Variants in FRY observed in about 807,000 individuals in gnomAD.
FRY encodes protein furry homolog.
A neutral mutation model predicts 348.4 loss-of-function variants in FRY; 128 were observed. The observed-to-expected ratio is 0.37, with a 90% CI of 0.32 to 0.43. The LOEUF (loss-of-function observed/expected upper bound fraction) is 0.43. Among genes scored for constraint, FRY ranks in the 20% least tolerant of loss-of-function variants. The pLI, the probability that FRY is intolerant of heterozygous loss-of-function variation, is 1.00. For missense variants in FRY, 2,736 were observed against 3,695.2 expected (o/e 0.74, Z 6.73); for synonymous variants, 1,370 against 1,374.7 (o/e 1.00, Z 0.08).
intron 1 of FRY, among the ~76,000 whole-genome samples, chr13:32,051,590 A>G (rs1015749920): frequency 2.6e-5 from 4 of 152,218 alleles, no homozygotes; most frequent in African/African-American, 9.7e-5. Flanking sequence ...CTCTATGTCA[A>G]AATAGTGGTT....
intron 46 of FRY, among the ~76,000 whole-genome samples, chr13:32,241,156 G>T (rs1278634028): frequency 1.3e-5 from 2 of 152,220 alleles, no homozygotes; most frequent in Non-Finnish European, 2.9e-5. Context: ...CAGCACAGAA[G>T]TAGTACTGAG....
At chr13:32,046,820 C>T (rs918783543) in intron 1 of FRY, among the ~76,000 whole-genome samples, 36 of 152,054 alleles carry the variant, frequency 2.4e-4, no homozygotes, top group Non-Finnish European at 1.6e-4. Context: ...TTTTTGACCA[C>T]GAGATTCATT....
At chr13:32,278,375 T>C (rs1888642437) in intron 57 of FRY, 90 bp from the exon 58 acceptor site, 1 of 787,026 alleles carries the variant, frequency 1.3e-6, no homozygotes, top group African/African-American at 1.7e-5. Context: ...TTATTAGAAC[T>C]TTAATGAATT....
chr13:32,180,573 G>A (rs2520689), intron 23 of FRY, among the ~76,000 whole-genome samples: 62,015 of 152,034 alleles, frequency 0.41, 12,875 homozygotes, highest in Admixed American at 0.43. Flanking sequence ...TTGCCTTAAT[G>A]TAACCATATA....
intron 1 of FRY, among the ~76,000 whole-genome samples, chr13:32,068,014 G>T (rs1037614976): frequency 6.6e-6 from 1 of 152,114 alleles, no homozygotes; most frequent in Admixed American, 6.5e-5. Context: ...GGTTAGAAAT[G>T]CAGACTCTCC....
At chr13:32,187,695 C>A in intron 28 of FRY, 39 bp downstream of exon 28, 1 of 1,099,346 alleles carries the variant, frequency 9.1e-7, no homozygotes, top group Non-Finnish European at 1.4e-6. Context: ...TGAATGTCTT[C>A]TGTGTTCTGC....
At chr13:32,282,922 C>A (rs1888881949) in intron 58 of FRY, among the ~76,000 whole-genome samples, 2 of 152,142 alleles carry the variant, frequency 1.3e-5, no homozygotes, top group South Asian at 4.1e-4. Flanking sequence ...GCAGGTGGAT[C>A]ACGAGGTCAG....
intron 35 of FRY, among the ~76,000 whole-genome samples, chr13:32,214,172 G>A (rs1230486829): frequency 6.6e-6 from 1 of 152,142 alleles, no homozygotes; most frequent in Non-Finnish European, 1.5e-5. Flanking sequence ...TTCTATGAAA[G>A]TAGGCTGTGC....
At chr13:32,034,813 T>A (rs1250510964) in intron 1 of FRY, among the ~76,000 whole-genome samples, 1 of 152,176 alleles carries the variant, frequency 6.6e-6, no homozygotes, top group Admixed American at 6.5e-5. Flanking sequence ...CAACCAAGCT[T>A]AATCTACTCA....
At chr13:32,238,383 C>T (rs1417638275) in intron 44 of FRY, among the ~76,000 whole-genome samples, 4 of 151,706 alleles carry the variant, frequency 2.6e-5, no homozygotes, top group African/African-American at 7.3e-5. Flanking sequence ...TGTTGGTTTC[C>T]TCTTGTTTTG....
chr13:32,279,474 T>G (rs1456782152), intron 58 of FRY, among the ~76,000 whole-genome samples: 5 of 152,124 alleles, frequency 3.3e-5, no homozygotes, highest in Non-Finnish European at 5.9e-5. Flanking sequence ...ATGCAGGGCT[T>G]TGGTGTTTAA....
At chr13:32,219,715 C>T (rs986809180) in intron 36 of FRY, among the ~76,000 whole-genome samples, 93 of 152,086 alleles carry the variant, frequency 6.1e-4, no homozygotes, top group Non-Finnish European at 1.3e-3. Context: ...GCCGAGATCG[C>T]GCCACTGCAC....
chr13:32,240,363 A>C (rs1029902724), intron 46 of FRY, among the ~76,000 whole-genome samples: 3 of 152,230 alleles, frequency 2.0e-5, no homozygotes, highest in African/African-American at 4.8e-5. Flanking sequence ...AGAAATTTTT[A>C]TCCTAATTAC....
intron 46 of FRY, among the ~76,000 whole-genome samples, chr13:32,240,830 A>G (rs1886460033): frequency 6.6e-6 from 1 of 152,210 alleles, no homozygotes; most frequent in Admixed American, 6.5e-5. Flanking sequence ...TATATCATCA[A>G]TCCAGATGCC....
At chr13:32,283,544 C>T (rs7981590) in intron 58 of FRY, among the ~76,000 whole-genome samples, 47,887 of 152,144 alleles carry the variant, frequency 0.31, 8,520 homozygotes, top group East Asian at 0.76. Flanking sequence ...AAGCACCTGT[C>T]TGCTGAACTC....
intron 55 of FRY, among the ~76,000 whole-genome samples, chr13:32,270,731 T>G (rs1256493167): frequency 1.3e-5 from 2 of 152,192 alleles, no homozygotes; most frequent in Non-Finnish European, 2.9e-5. Context: ...TTCTGTTACT[T>G]CTTTCTCCCT....
chr13:32,065,626 A>G (rs1874207206), intron 1 of FRY, among the ~76,000 whole-genome samples: 1 of 151,840 alleles, frequency 6.6e-6, no homozygotes, highest in Admixed American at 6.6e-5. Flanking sequence ...TTTTAGAGAG[A>G]GTCTCACCCT....
chr13:32,155,022 G>C (rs746596230), intron 14 of FRY, among the ~76,000 whole-genome samples: 1 of 152,214 alleles, frequency 6.6e-6, no homozygotes, highest in Non-Finnish European at 1.5e-5. Flanking sequence ...TAAATCAGAA[G>C]TCAGGACGTG....
At position 32,239,665 on chromosome 13, in the gene FRY, A is replaced by G. The variant is rs1296153997; in HGVS notation, c.6517-46A>G. On this transcript the variant is annotated intron_variant, in intron 45 of 60. Transcript: ENST00000542859. This position sits in a 1 kb window ranked among gnomAD's most constrained non-coding sequence, Gnocchi z 4.3. ...AGTAAAATTGCTAACATTTCTTCCT[A>G]TTCATTGGGCTATTTTATTCCTAAT... 2 of 1,319,402 alleles carry G rather than the reference A, an allele frequency of 1.5e-6. No homozygotes were observed. Among genetic ancestry groups the G allele is most frequent in the African/African-American group, 1.4e-5 (1 of 69,088 alleles). 81.7% of individuals were successfully genotyped at this position (1,319,402 alleles called of 1,614,324 possible).
Sources: gnomAD v4.1 joint callset for allele counts (sites outside exome capture counted in the v4.1 genomes callset) on GRCh38, gnomAD v4.1.1 for gene constraint, Gnocchi (gnomAD v3.1) non-coding constraint, MANE v1.5 for transcripts, NCBI Gene and HGNC (gene_info 2026-07-23, HGNC 2026-07-21) for gene names.